DPYSL5: variants seen among roughly 807,000 people sequenced by gnomAD.
DPYSL5 encodes dihydropyrimidinase like 5.
A neutral mutation model predicts 58.4 loss-of-function variants in DPYSL5; 9 were observed. The observed-to-expected ratio is 0.15, with a 90% CI of 0.09 to 0.27. The LOEUF is 0.27. Among genes scored for constraint, DPYSL5 ranks in the 10% least tolerant of loss-of-function variants. The probability of loss-of-function intolerance (pLI) is 1.00; values close to 1 mark genes in which losing one functional copy is unlikely to be tolerated. For missense variants in DPYSL5, 499 were observed against 770.6 expected (o/e 0.65, Z 4.17); for synonymous variants, 293 against 301.9 (o/e 0.97, Z 0.31).
At chr2:26,873,197 A>G (rs1663316996) in intron 1 of DPYSL5, among the ~76,000 whole-genome samples, 1 of 152,184 alleles carries the variant, frequency 6.6e-6, no homozygotes, top group Non-Finnish European at 1.5e-5. Context: ...TATAATTTAT[A>G]TACAATAAAC....
intron 2 of DPYSL5, among the ~76,000 whole-genome samples, chr2:26,921,949 CT>C (rs1664716598): frequency 6.6e-6 from 1 of 152,112 alleles, no homozygotes; most frequent in African/African-American, 2.4e-5. Flanking sequence ...CAACTCCTTC[CT>C]GAACTATTTT....
rs1664771470 is a variant in DPYSL5, at chr2:26,924,228, C to T, written c.262-659C>T. ...GATCCGTTTTCACTGATAAATCACA[C>T]ATGCATCTAAAAAATGCCTGTCTCA... is the stretch of plus-strand genomic sequence containing the variant. On this transcript the variant is annotated intron_variant, in intron 2 of 12. Coordinates refer to ENST00000288699, the MANE Select transcript of DPYSL5 (RefSeq NM_020134.4). This position sits in a 1 kb window ranked among gnomAD's most constrained non-coding sequence, Gnocchi z 4.7. Among the ~76,000 whole-genome samples, 1 of 152,146 alleles carries T rather than the reference C, an allele frequency of 6.6e-6. No individual in the cohort carries two copies. The highest frequency in any genetic ancestry group is 1.5e-5 in the Non-Finnish European group (1 of 68,028).
Position 26,944,867 on chromosome 2 carries a change from G to A in DPYSL5, c.1609+43G>A, listed in dbSNP as rs371157059. ...ACGGGAGGAGGATGGGGGTCTGGGAGAAGTGGCCCACCTAGGCAGTGGGAC... is the reference window on the plus strand; with the variant it reads ...ACGGGAGGAGGATGGGGGTCTGGGAAAAGTGGCCCACCTAGGCAGTGGGAC... On this transcript the variant is annotated intron_variant, in intron 12 of 12. Transcript: ENST00000288699. This position sits in a 1 kb window ranked among gnomAD's most constrained non-coding sequence, Gnocchi z 4.4. The A allele has an allele frequency of 6.3e-7, 1 of 1,595,758 alleles. No individual in the cohort carries two copies.
In DPYSL5 at chr2:26,877,281, A is replaced by G. The variant is rs1391075848; in HGVS notation, c.-4-21215A>G. Among the ~76,000 whole-genome samples, 3 of 152,174 alleles carry G rather than the reference A, an allele frequency of 2.0e-5. No homozygotes were observed. Among genetic ancestry groups the G allele is most frequent in the African/African-American group, 4.8e-5 (2 of 41,446 alleles). ...GCGCCTGGCCCATAGCCACTTTATT[A>G]TAACAATATTTTTATTTCTATTTAT... On this transcript the variant is annotated intron_variant, in intron 1 of 12. Coordinates refer to ENST00000288699, the MANE Select transcript of DPYSL5 (RefSeq NM_020134.4). The surrounding 1 kb of genome is among the most constrained non-coding windows in gnomAD (Gnocchi z 4.1).
chr2:26,945,254 C>G (rs1665441177), intron 12 of DPYSL5, among the ~76,000 whole-genome samples: 1 of 152,036 alleles, frequency 6.6e-6, no homozygotes, highest in East Asian at 1.9e-4. Context: ...ACCCCCTCTC[C>G]TCCTCTGACC....
intron 1 of DPYSL5, among the ~76,000 whole-genome samples, chr2:26,895,610 C>A (rs1446233927): frequency 6.6e-6 from 1 of 151,946 alleles, no homozygotes; most frequent in Non-Finnish European, 1.5e-5. Flanking sequence ...AAGCATTTTT[C>A]AAGAATACAA....
In DPYSL5 at chr2:26,918,397, G is replaced by A. The variant is rs115915323; in HGVS notation, c.262-6490G>A. On this transcript the variant is annotated intron_variant, in intron 2 of 12. Transcript: ENST00000288699. ...ATGTTCAGAGCTTGCTTTCCAGAGG[G>A]CCAATAAGTAGCCAACAGAACGCTG... Among the ~76,000 whole-genome samples the A allele has an allele frequency of 4.1e-3, 629 of 152,254 alleles. 6 individuals carry two copies. Among genetic ancestry groups the A allele is most frequent in the African/African-American group, 0.014 (588 of 41,552 alleles).
At chr2:26,931,201 G>GTGTGTGTGTGTGTGTGTA (rs1664975383) in intron 5 of DPYSL5, among the ~76,000 whole-genome samples, 1 of 54,546 alleles carries the variant, frequency 1.8e-5, no homozygotes, top group African/African-American at 6.4e-5. Flanking sequence ...GTGTGTGTGT[G>GTGTGTGTGTGTGTGTGTA]TGTATATATA....
At position 26,934,542 on chromosome 2, in the gene DPYSL5, G is replaced by C; in HGVS notation, c.791-36G>C. On this transcript the variant is annotated intron_variant, in intron 7 of 12. Coordinates refer to ENST00000288699, the MANE Select transcript of DPYSL5 (RefSeq NM_020134.4). This position sits in a 1 kb window ranked among gnomAD's most constrained non-coding sequence, Gnocchi z 4.3. Reference sequence around the variant, plus strand: ...CACCAGCGATCGCTCAGGTTCGGTGGCTTCCTGGTTATGGTTCTGACCTTT... The same window carrying C: ...CACCAGCGATCGCTCAGGTTCGGTGCCTTCCTGGTTATGGTTCTGACCTTT... 6.3e-7 allele frequency: 1 copy of C among 1,598,296 alleles called. No individual in the cohort carries two copies. The highest frequency in any genetic ancestry group is 8.5e-7 in the Non-Finnish European group (1 of 1,171,090).
chr2:26,911,454 TA>T (rs2148147283), intron 2 of DPYSL5, among the ~76,000 whole-genome samples: 1 of 152,338 alleles, frequency 6.6e-6, no homozygotes, highest in South Asian at 2.1e-4. Context: ...TTCTGTTGGC[TA>T]AAAGTCAGGA....
At chr2:26,874,064 G>C (rs967708009) in intron 1 of DPYSL5, among the ~76,000 whole-genome samples, 10 of 152,016 alleles carry the variant, frequency 6.6e-5, no homozygotes, top group Admixed American at 6.5e-4. Flanking sequence ...CTTTTTTGTA[G>C]ATACAAATAG....
chr2:26,899,232 A>G (rs1312824598), intron 2 of DPYSL5, among the ~76,000 whole-genome samples: 2 of 152,150 alleles, frequency 1.3e-5, no homozygotes. Context: ...ATTTTTAAAA[A>G]CAACCAGAAA....
In DPYSL5 at chr2:26,898,177, T is replaced by C. The variant is rs1410702628; in HGVS notation, c.-4-319T>C. On this transcript the variant is annotated intron_variant, in intron 1 of 12. Transcript: ENST00000288699. This position sits in a 1 kb window ranked among gnomAD's most constrained non-coding sequence, Gnocchi z 6.1. The stretch of plus-strand genomic sequence containing the variant: ...GGTTGTTTTGGGGATAGTAGAGATA[T>C]GAGAAATGAGATATGAGAGATAGAA... Among the ~76,000 whole-genome samples, 1 of 152,136 alleles carries C rather than the reference T, an allele frequency of 6.6e-6. No homozygotes were observed. The highest frequency in any genetic ancestry group is 1.5e-5 in the Non-Finnish European group (1 of 68,028).
chr2:26,928,704 T>TACACACACACACACAC (rs1553320464), intron 5 of DPYSL5, among the ~76,000 whole-genome samples: 11 of 62,974 alleles, frequency 1.7e-4, no homozygotes, highest in African/African-American at 4.4e-4. Context: ...TATATATATA[T>TACACACACACACACAC]ACACACACAC....
Position 26,849,820 on chromosome 2 carries a change from C to T in DPYSL5, c.-5+1566C>T, listed in dbSNP as rs1298761801. Among the ~76,000 whole-genome samples, 1 of 152,222 alleles carries T rather than the reference C, an allele frequency of 6.6e-6. No individual in the cohort carries two copies. The highest frequency in any genetic ancestry group is 1.5e-5 in the Non-Finnish European group (1 of 68,034). ...GGGGGCCTGGCCACGCCGGGAATCC[C>T]GTGTGGGAGGCGCTCCCCCGGCCTG... On this transcript the variant is annotated intron_variant, in intron 1 of 12. Transcript: ENST00000288699. The surrounding 1 kb of genome is among the most constrained non-coding windows in gnomAD (Gnocchi z 6.2).
At chr2:26,902,953 A>AAT (rs1664196218) in intron 2 of DPYSL5, among the ~76,000 whole-genome samples, 1 of 152,246 alleles carries the variant, frequency 6.6e-6, no homozygotes, top group Non-Finnish European at 1.5e-5. Context: ...AGGAGGCACG[A>AAT]ATAATCCACC....
In DPYSL5 at chr2:26,941,843, T is replaced by C; in HGVS notation, c.1090-107T>C. 3 of 1,481,464 alleles carry C rather than the reference T, an allele frequency of 2.0e-6. No homozygotes were observed. In the Admixed American group the frequency reaches 5.4e-5, roughly 27 times the overall value. The allele number at this position is 1,481,464 out of a possible 1,614,324, so 91.8% of individuals were successfully genotyped here. A position where few individuals can be genotyped will look rare whatever the true frequency, so the allele number is the denominator to read the frequency against. ...TGGCCTTGTCCCTTTGTGACCACTG[T>C]CCTGACCACCTAAGCCCTAAGTCCA... On this transcript the variant is annotated intron_variant, in intron 9 of 12. Coordinates refer to ENST00000288699, the MANE Select transcript of DPYSL5 (RefSeq NM_020134.4).
chr2:26,853,998 C>A (rs779210005), intron 1 of DPYSL5, among the ~76,000 whole-genome samples: 53 of 151,998 alleles, frequency 3.5e-4, no homozygotes, highest in Non-Finnish European at 4.3e-4. Flanking sequence ...TGTGATTACA[C>A]CACTGCACTT....
chr2:26,856,475 T>A (rs1665881787), intron 1 of DPYSL5, among the ~76,000 whole-genome samples: 1 of 152,246 alleles, frequency 6.6e-6, no homozygotes, highest in South Asian at 2.1e-4. Flanking sequence ...TCTAATTTGC[T>A]TATTTTTTTC....
Sources: gnomAD v4.1 joint callset for allele counts (sites outside exome capture counted in the v4.1 genomes callset) on GRCh38, gnomAD v4.1.1 for gene constraint, Gnocchi (gnomAD v3.1) non-coding constraint, MANE v1.5 for transcripts, NCBI Gene and HGNC (gene_info 2026-07-23, HGNC 2026-07-21) for gene names.